The following WARS1 variants were observed in gnomAD, a reference collection of about 807,000 sequenced individuals.
WARS1 encodes the protein tryptophan--tRNA ligase, cytoplasmic.
Under a neutral mutation model 47.8 loss-of-function variants are expected in WARS1, and 17 were observed. The observed-to-expected ratio is 0.36, with a 90% CI of 0.24 to 0.53. WARS1 has a LOEUF of 0.53. Ranked by LOEUF, WARS1 falls within the 20% of genes least tolerant of loss-of-function variation. WARS1 has a pLI of 0.91. For synonymous variants in WARS1, 208 were observed against 228.1 expected (o/e 0.91, Z 0.79); for missense variants, 434 against 608.0 (o/e 0.71, Z 3.01).
chr14:100,337,221 C>T lies in WARS1; in HGVS notation c.1114-19G>A. 2.5e-6 allele frequency: 4 copies of T among 1,611,708 alleles called. No individual in the cohort carries two copies. In the South Asian group the frequency reaches 4.4e-5, roughly 18 times the overall value. On this transcript the variant is annotated intron_variant, in intron 9 of 10. Transcript: ENST00000392882. ...TATTGACCTGCACCAGAAGAGGACACAGACACGCTCCTCAGTCCTGCTCAT... is the reference window on the plus strand; with the variant it reads ...TATTGACCTGCACCAGAAGAGGACATAGACACGCTCCTCAGTCCTGCTCAT...
chr14:100,340,181 C>T (rs1366623042), intron 9 of WARS1: 1 of 152,166 alleles, frequency 6.6e-6, no homozygotes, highest in African/African-American at 2.4e-5. Flanking sequence ...AACTGAGGGG[C>T]TCAGTTCTGC....
At chr14:100,355,041 C>A (rs1895224431) in intron 4 of WARS1, among the ~76,000 whole-genome samples, 8 of 152,038 alleles carry the variant, frequency 5.3e-5, no homozygotes, top group Admixed American at 5.2e-4. Context: ...GGTCAAGTGC[C>A]CAGTTGGAGA....
intron 9 of WARS1, among the ~76,000 whole-genome samples, chr14:100,339,607 A>G (rs1279891892): frequency 6.6e-6 from 1 of 151,348 alleles, no homozygotes; most frequent in African/African-American, 2.4e-5. Flanking sequence ...AAAAAAAAAA[A>G]AAGGAAAAAA....
chr14:100,368,576 T>C, intron 2 of WARS1: 1 of 438,594 alleles, frequency 2.3e-6, no homozygotes, highest in Non-Finnish European at 4.6e-6. Flanking sequence ...AGAGGTGGGC[T>C]GGAGGGCCAC....
chr14:100,371,045 C>G (rs8012938), intron 1 of WARS1, among the ~76,000 whole-genome samples: 105,060 of 152,164 alleles, frequency 0.69, 37,467 homozygotes, highest in Admixed American at 0.81. Flanking sequence ...AGAGCCTACA[C>G]TTTCAACCAT....
intron 7 of WARS1, among the ~76,000 whole-genome samples, chr14:100,345,414 G>C (rs1027863738): frequency 5.1e-4 from 78 of 152,150 alleles, no homozygotes; most frequent in African/African-American, 1.9e-3. Context: ...GGGTTAAATG[G>C]ATTAAGGGCG....
rs1896442019 is a variant in WARS1 at position 100,373,076 on chromosome 14, A to C, written c.-74+2207T>G. Among the ~76,000 whole-genome samples the C allele has an allele frequency of 6.6e-6, 1 of 152,170 alleles. No homozygotes were observed. Among genetic ancestry groups the C allele is most frequent in the South Asian group, 2.1e-4 (1 of 4,826 alleles). On this transcript the variant is annotated intron_variant, in intron 1 of 10. Transcript: ENST00000392882. The surrounding 1 kb of genome is among the most constrained non-coding windows in gnomAD (Gnocchi z 4.4). ...CACTCACACTGCAGTTTAGTTATTC[A>C]TGTCTTCCCCAGCAGACAGCAAAGG...
chr14:100,350,970 G>A (rs1309248494), intron 6 of WARS1, among the ~76,000 whole-genome samples: 3 of 152,182 alleles, frequency 2.0e-5, no homozygotes, highest in Non-Finnish European at 4.4e-5. Context: ...ATTCTGGGCA[G>A]CACAGAGCAT....
At chr14:100,370,326 A>G (rs1453863639) in intron 1 of WARS1, 1 of 152,182 alleles carries the variant, frequency 6.6e-6, no homozygotes, top group East Asian at 1.9e-4. Context: ...CAAGTTTCCT[A>G]ACCTATAAAA....
chr14:100,372,467 A>T (rs1293454907), intron 1 of WARS1, among the ~76,000 whole-genome samples: 1 of 152,098 alleles, frequency 6.6e-6, no homozygotes, highest in African/African-American at 2.4e-5. Flanking sequence ...CCAGAAAGGG[A>T]GGTTTGGTGA....
At chr14:100,350,459 C>T (rs968746827) in intron 6 of WARS1, among the ~76,000 whole-genome samples, 1 of 148,072 alleles carries the variant, frequency 6.8e-6, no homozygotes, top group African/African-American at 2.5e-5. Flanking sequence ...TCAGGAGCTG[C>T]AACCGCAGTT....
At chr14:100,339,745 C>T (rs1894034279) in intron 9 of WARS1, 1 of 152,166 alleles carries the variant, frequency 6.6e-6, no homozygotes, top group Non-Finnish European at 1.5e-5. Flanking sequence ...CCATAGCCCT[C>T]CCTGCTGGGC....
intron 4 of WARS1, among the ~76,000 whole-genome samples, chr14:100,357,757 G>A (rs1489638904): frequency 1.3e-5 from 2 of 152,224 alleles, no homozygotes; most frequent in South Asian, 4.1e-4. Context: ...CACCGTGCCC[G>A]GCCATCAGTT....
chr14:100,359,353 T>C (rs1218040593), intron 4 of WARS1, among the ~76,000 whole-genome samples: 3 of 152,214 alleles, frequency 2.0e-5, no homozygotes, highest in Non-Finnish European at 2.9e-5. Context: ...GAATCCAGTA[T>C]GGATACATGC....
chr14:100,367,134 A>G (rs1896048018), intron 2 of WARS1, among the ~76,000 whole-genome samples: 2 of 152,134 alleles, frequency 1.3e-5, no homozygotes, highest in African/African-American at 2.4e-5. Context: ...GGGAGCATAC[A>G]TGCTCCTGGA....
chr14:100,362,033 G>T, intron 2 of WARS1, 112 bp from the exon 3 acceptor site: 3 of 1,108,640 alleles, frequency 2.7e-6, no homozygotes, highest in Non-Finnish European at 2.6e-6. Context: ...TGTTACCTTA[G>T]TTAGTGTCAC....
At chr14:100,367,608 CAAAAAAAA>C (rs35916618) in intron 2 of WARS1, among the ~76,000 whole-genome samples, 4 of 29,770 alleles carry the variant, frequency 1.3e-4, no homozygotes, top group Admixed American at 5.4e-4. Context: ...GGTGGGGTGG[CAAAAAAAA>C]AAAAAAAAAA....
intron 9 of WARS1, among the ~76,000 whole-genome samples, chr14:100,337,624 GA>G (rs1893835121): frequency 6.6e-6 from 1 of 150,430 alleles, no homozygotes; most frequent in Non-Finnish European, 1.5e-5. Context: ...GCTGAGGGGG[GA>G]GGATCGATTG....
In WARS1 at chr14:100,369,269, G is replaced by A. The variant is rs764551692; in HGVS notation, c.-73-11C>T. The stretch of plus-strand genomic sequence containing the variant: ...GCAGACGAGTCAAGACTGGGGTGGG[G>A]GCGGGGAAGGAGAGAGAGGAAAAAC... On this transcript the variant is annotated splice_polypyrimidine_tract_variant and intron_variant, in intron 1 of 10. Transcript: ENST00000392882. The A allele has an allele frequency of 1.3e-6, 1 of 756,722 alleles. No homozygotes were observed. Among genetic ancestry groups the A allele is most frequent in the Non-Finnish European group, 1.8e-6 (1 of 540,566 alleles). 46.9% of individuals were successfully genotyped at this position (756,722 alleles called of 1,614,324 possible).
Sources: gnomAD v4.1 joint callset for allele counts (sites outside exome capture counted in the v4.1 genomes callset) on GRCh38, gnomAD v4.1.1 for gene constraint, Gnocchi (gnomAD v3.1) non-coding constraint, MANE v1.5 for transcripts, NCBI Gene and HGNC (gene_info 2026-07-23, HGNC 2026-07-21) for gene names.